Variants in IFT56 observed in about 807,000 individuals in gnomAD.
IFT56 encodes the protein intraflagellar transport protein 56.
At chr7:139,134,842 A>T in the IFT56 span, 2 of 1,583,692 alleles carry the variant, frequency 1.3e-6, no homozygotes, top group Non-Finnish European at 8.6e-7. Flanking sequence ...CAGACTGTAG[A>T]TGAATGCTTG....
the IFT56 span, among the ~76,000 whole-genome samples, chr7:139,146,709 G>A: frequency 2.7e-5 from 4 of 149,728 alleles, no homozygotes; most frequent in South Asian, 4.2e-4. Context: ...AGAGGTTGCA[G>A]TGAGCCGAGA....
At chr7:139,164,939 G>A in the IFT56 span, among the ~76,000 whole-genome samples, 3 of 151,842 alleles carry the variant, frequency 2.0e-5, no homozygotes, top group South Asian at 6.2e-4. Context: ...AAGAGAGAAG[G>A]TAAGAAGCAT....
At chr7:139,151,320 T>C in the IFT56 span, among the ~76,000 whole-genome samples, 1 of 152,064 alleles carries the variant, frequency 6.6e-6, no homozygotes, top group Admixed American at 6.6e-5. Flanking sequence ...GCAGAAGGGA[T>C]GGCAAACAGA....
chr7:139,165,475 C>T, the IFT56 span, among the ~76,000 whole-genome samples: 2 of 151,910 alleles, frequency 1.3e-5, no homozygotes, highest in Non-Finnish European at 1.5e-5. Flanking sequence ...ATTTTGCTAT[C>T]CTTTATTCTC....
chr7:139,178,257 G>A, the IFT56 span: 5 of 1,613,732 alleles, frequency 3.1e-6, no homozygotes, highest in African/African-American at 1.3e-5. Flanking sequence ...GTTTCTTCCT[G>A]CTTAAGCAAT....
At chr7:139,135,301 A>AAAC in the IFT56 span, among the ~76,000 whole-genome samples, 7 of 141,598 alleles carry the variant, frequency 4.9e-5, no homozygotes, top group African/African-American at 2.1e-4. Flanking sequence ...AAAAAAAACA[A>AAAC]AACAAAACTT....
the IFT56 span, chr7:139,189,246 C>T: frequency 1.8e-6 from 2 of 1,090,872 alleles, no homozygotes; most frequent in Non-Finnish European, 2.7e-6. Flanking sequence ...GTATGAAGGA[C>T]AGTTCAGAGT....
chr7:139,161,747 T>G, the IFT56 span, among the ~76,000 whole-genome samples: 1 of 152,228 alleles, frequency 6.6e-6, no homozygotes, highest in South Asian at 2.1e-4. Flanking sequence ...ATTCAGTTAC[T>G]AAATCCTATT....
At chr7:139,142,311 T>C in the IFT56 span, 7 of 1,612,350 alleles carry the variant, frequency 4.3e-6, no homozygotes, top group Non-Finnish European at 5.9e-6. Flanking sequence ...ACAAGGTATT[T>C]ATGTTCTCAT....
chr7:139,174,143 T>C, the IFT56 span: 12 of 594,572 alleles, frequency 2.0e-5, no homozygotes, highest in Non-Finnish European at 4.0e-5. Flanking sequence ...TTTTCATCAG[T>C]ATCATGAAGC....
At chr7:139,137,894 T>C in the IFT56 span, 1 of 1,613,684 alleles carries the variant, frequency 6.2e-7, no homozygotes, top group Non-Finnish European at 8.5e-7. Context: ...ATTTGTGGAT[T>C]GGATATTGTG....
chr7:139,182,981 A>C, the IFT56 span, among the ~76,000 whole-genome samples: 1 of 152,196 alleles, frequency 6.6e-6, no homozygotes, highest in Admixed American at 6.5e-5. Flanking sequence ...GTCTTAAAAA[A>C]TTTGATATTA....
At chr7:139,145,460 C>T in the IFT56 span, among the ~76,000 whole-genome samples, 11 of 151,920 alleles carry the variant, frequency 7.2e-5, no homozygotes, top group Non-Finnish European at 4.4e-5. Context: ...TATCACTCCC[C>T]GTCACCCAGG....
At chr7:139,168,916 A>G in the IFT56 span, among the ~76,000 whole-genome samples, 1 of 152,216 alleles carries the variant, frequency 6.6e-6, no homozygotes. Flanking sequence ...TGCCTTGTAT[A>G]GTAGATAGGC....
the IFT56 span, among the ~76,000 whole-genome samples, chr7:139,135,451 A>G: frequency 6.6e-6 from 1 of 152,092 alleles, no homozygotes. Context: ...TTTTCCTATT[A>G]TGTGTTCTAA....
chr7:139,142,209 G>A, the IFT56 span: 1 of 1,607,960 alleles, frequency 6.2e-7, no homozygotes, highest in Non-Finnish European at 8.5e-7. Context: ...ACAAGGGACT[G>A]CTAGACTGTT....
the IFT56 span, among the ~76,000 whole-genome samples, chr7:139,139,590 G>A: frequency 6.6e-6 from 1 of 152,170 alleles, no homozygotes; most frequent in East Asian, 1.9e-4. Context: ...GTCTTTTTAA[G>A]TTAGCAGAAA....
At chr7:139,173,842 C>A in the IFT56 span, 12 of 714,094 alleles carry the variant, frequency 1.7e-5, no homozygotes, top group South Asian at 7.5e-5. Context: ...TTCAGAACTT[C>A]AGGTATTTCT....
At chr7:139,172,506 C>T in the IFT56 span, 5 of 453,430 alleles carry the variant, frequency 1.1e-5, no homozygotes, top group Non-Finnish European at 1.7e-5. Flanking sequence ...ACAGAACCAT[C>T]AACACTGTAA....
Sources: gnomAD v4.1 joint callset for allele counts (sites outside exome capture counted in the v4.1 genomes callset) on GRCh38, gnomAD v4.1.1 for gene constraint, MANE v1.5 for transcripts, NCBI Gene and HGNC (gene_info 2026-07-23, HGNC 2026-07-21) for gene names.